The following TMEM132D variants were observed in gnomAD, a reference collection of about 807,000 sequenced individuals.
TMEM132D encodes the protein mature OL transmembrane protein.
TMEM132D carries 21 observed loss-of-function variants against 62.3 expected under a neutral mutation model. That is an observed-to-expected ratio of 0.34 (90% CI 0.24 to 0.49). TMEM132D has a LOEUF of 0.49. TMEM132D is among the 20% of genes least tolerant of loss of function. The pLI is 0.99. For missense variants in TMEM132D, 1,346 were observed against 1,402.8 expected (o/e 0.96, Z 0.65); for synonymous variants, 621 against 575.6 (o/e 1.08, Z -1.13).
intron 6 of TMEM132D, among the ~76,000 whole-genome samples, chr12:129,082,604 A>T (rs1057363221): frequency 6.6e-6 from 1 of 152,114 alleles, no homozygotes; most frequent in Non-Finnish European, 1.5e-5. Context: ...CCTTCCCCAC[A>T]TGAGCCTTGA....
chr12:129,791,248 G>A (rs1466718962), intron 1 of TMEM132D, among the ~76,000 whole-genome samples: 1 of 152,174 alleles, frequency 6.6e-6, no homozygotes, highest in East Asian at 1.9e-4. Context: ...ACATTTTTAT[G>A]TGAGTTGTGT....
chr12:129,139,977 A>G lies in TMEM132D; in HGVS notation c.1444-55275T>C, dbSNP rs112297244. On this transcript the variant is annotated intron_variant, in intron 5 of 8. Transcript: ENST00000422113. ...GCTATCCTCCCTCCTCGGCCTCCCAAAGTGTTGGGATTACAGGCATAAACC... is the reference window on the plus strand; with the variant it reads ...GCTATCCTCCCTCCTCGGCCTCCCAGAGTGTTGGGATTACAGGCATAAACC... Among the ~76,000 whole-genome samples, 923 of 152,196 alleles carry G rather than the reference A, an allele frequency of 6.1e-3. 9 individuals carry two copies. The highest frequency in any genetic ancestry group is 0.021 in the African/African-American group (869 of 41,518).
chr12:129,821,200 C>T (rs1429527759), intron 1 of TMEM132D, among the ~76,000 whole-genome samples: 3 of 152,050 alleles, frequency 2.0e-5, no homozygotes, highest in Non-Finnish European at 2.9e-5. Context: ...ATTCTCTCAC[C>T]GCAGGACTTA....
rs144172978 is a variant in TMEM132D, at chr12:129,813,099, C to T, written c.79+90162G>A. 2.2e-4 allele frequency among the ~76,000 whole-genome samples: 34 copies of T among 151,910 alleles called. 1 individual carries two copies. Among genetic ancestry groups the T allele is most frequent in the Non-Finnish European group, 4.3e-4 (29 of 67,980 alleles). On this transcript the variant is annotated intron_variant, in intron 1 of 8. Coordinates refer to ENST00000422113, the MANE Select transcript of TMEM132D (RefSeq NM_133448.3). The stretch of plus-strand genomic sequence containing the variant: ...GAAATAGTTGAGTCATTCTTGATTT[C>T]CTCCTTTCTCCCACTTTTTCATTCA...
intron 1 of TMEM132D, among the ~76,000 whole-genome samples, chr12:129,723,745 C>G (rs749124868): frequency 6.6e-6 from 1 of 152,208 alleles, no homozygotes; most frequent in Non-Finnish European, 1.5e-5. Context: ...CATCTCGTCT[C>G]TCAAAGTAGC....
At chr12:129,201,473 C>T (rs1878702977) in intron 5 of TMEM132D, among the ~76,000 whole-genome samples, 1 of 152,182 alleles carries the variant, frequency 6.6e-6, no homozygotes, top group South Asian at 2.1e-4. Flanking sequence ...GGACCCTACT[C>T]CCCAAACTCC....
chr12:129,849,892 T>C (rs1344312821), intron 1 of TMEM132D, among the ~76,000 whole-genome samples: 1 of 152,180 alleles, frequency 6.6e-6, no homozygotes, highest in African/African-American at 2.4e-5. Flanking sequence ...CCCCTGAATA[T>C]ACCCAGGGGC....
chr12:129,407,445 C>T (rs969885745), intron 3 of TMEM132D, among the ~76,000 whole-genome samples: 4 of 152,168 alleles, frequency 2.6e-5, no homozygotes, highest in Middle Eastern at 3.4e-3. Flanking sequence ...CTTTAACTTC[C>T]GTTATTTATT....
chr12:129,629,500 G>C lies in TMEM132D; in HGVS notation c.968+70310C>G, dbSNP rs111402165. 2.8e-3 allele frequency among the ~76,000 whole-genome samples: 419 copies of C among 152,102 alleles called. 2 individuals carry two copies. Among genetic ancestry groups the C allele is most frequent in the African/African-American group, 9.5e-3 (395 of 41,494 alleles). On this transcript the variant is annotated intron_variant, in intron 2 of 8. Coordinates refer to ENST00000422113, the MANE Select transcript of TMEM132D (RefSeq NM_133448.3). The stretch of plus-strand genomic sequence containing the variant: ...AAATATTCTCCACCCTCCCCACCTA[G>C]GAGGCATCTTCCTTGATCCCATCTC...
At chr12:129,598,973 A>G (rs1406664311) in intron 2 of TMEM132D, among the ~76,000 whole-genome samples, 4 of 152,156 alleles carry the variant, frequency 2.6e-5, no homozygotes, top group East Asian at 1.9e-4. Flanking sequence ...ATGACACTAA[A>G]CCAATCACAG....
chr12:129,256,092 T>C (rs1381016318), intron 4 of TMEM132D, among the ~76,000 whole-genome samples: 4 of 152,200 alleles, frequency 2.6e-5, no homozygotes, highest in Non-Finnish European at 5.9e-5. Context: ...GATTGATTGA[T>C]TTATTGAGAC....
rs532843663 is a variant in TMEM132D at position 129,763,696 on chromosome 12, A to T, written c.80-62998T>A. On this transcript the variant is annotated intron_variant, in intron 1 of 8. Transcript: ENST00000422113. ...GTTTTCCCAATGACTTTATAACTAC[A>T]GACTCAGTCCAATGGGGTTCAATGA... is the stretch of plus-strand genomic sequence containing the variant. Among the ~76,000 whole-genome samples, 5 of 152,188 alleles carry T rather than the reference A, an allele frequency of 3.3e-5. No individual in the cohort carries two copies. In the South Asian group the frequency reaches 1.0e-3, roughly 32 times the overall value.
chr12:129,876,217 T>C (rs1874412905), intron 1 of TMEM132D, among the ~76,000 whole-genome samples: 1 of 152,218 alleles, frequency 6.6e-6, no homozygotes, highest in Admixed American at 6.5e-5. Context: ...AGAAATGTTA[T>C]TTCCATTCCA....
chr12:129,090,087 TG>T (rs1162838700), intron 5 of TMEM132D, among the ~76,000 whole-genome samples: 27 of 152,240 alleles, frequency 1.8e-4, no homozygotes, highest in African/African-American at 6.5e-4. Context: ...GCAGCCGCTA[TG>T]AGCTTCCGTC....
chr12:129,699,128 G>A (rs1480010713), intron 2 of TMEM132D, among the ~76,000 whole-genome samples: 1 of 152,126 alleles, frequency 6.6e-6, no homozygotes, highest in Non-Finnish European at 1.5e-5. Flanking sequence ...ACAAGCCTAG[G>A]CAAGTAGCTT....
chr12:129,246,271 CA>C (rs1398862839), intron 4 of TMEM132D, among the ~76,000 whole-genome samples: 4 of 152,110 alleles, frequency 2.6e-5, no homozygotes, highest in Non-Finnish European at 5.9e-5. Context: ...GAAACAGAGG[CA>C]ATACTCAAAA....
Position 129,220,345 on chromosome 12 carries a change from C to T in TMEM132D, c.1300-10682G>A, listed in dbSNP as rs116293186. On this transcript the variant is annotated intron_variant, in intron 4 of 8. Transcript: ENST00000422113. The stretch of plus-strand genomic sequence containing the variant: ...GGATGCCCACACACTTCCTTTTCCC[C>T]ACGTTGGAAACGAAATCTCACACAG... Among the ~76,000 whole-genome samples, 573 of 152,294 alleles carry T rather than the reference C, an allele frequency of 3.8e-3. 3 individuals are homozygous for T. The highest frequency in any genetic ancestry group is 0.013 in the African/African-American group (542 of 41,556).
At chr12:129,900,190 G>A (rs1441003825) in intron 1 of TMEM132D, among the ~76,000 whole-genome samples, 4 of 152,090 alleles carry the variant, frequency 2.6e-5, no homozygotes, top group South Asian at 2.1e-4. Context: ...GCTGGAAATC[G>A]AATATGAACT....
chr12:129,148,869 C>G (rs966304707), intron 5 of TMEM132D, among the ~76,000 whole-genome samples: 2 of 147,678 alleles, frequency 1.4e-5, no homozygotes, highest in Non-Finnish European at 3.0e-5. Context: ...GTTTCTAGCT[C>G]TCCAAATTGT....
Sources: gnomAD v4.1 joint callset for allele counts (sites outside exome capture counted in the v4.1 genomes callset) on GRCh38, gnomAD v4.1.1 for gene constraint, MANE v1.5 for transcripts, NCBI Gene and HGNC (gene_info 2026-07-23, HGNC 2026-07-21) for gene names.